The following ZYG11B variants were observed in gnomAD, a reference collection of about 807,000 sequenced individuals.
The protein encoded by ZYG11B is protein zyg-11 homolog B.
In ZYG11B, 36 loss-of-function variants were observed where a neutral mutation model predicts 82.4. The observed-to-expected ratio is 0.44, with a 90% CI of 0.33 to 0.58. The LOEUF is 0.58. Among genes scored for constraint, ZYG11B ranks in the 20% least tolerant of loss-of-function variants. The pLI is 0.02. For missense variants in ZYG11B, 552 were observed against 895.6 expected, an observed-to-expected ratio of 0.62 and a Z score of 4.90; for synonymous variants, 303 against 312.8, an observed-to-expected ratio of 0.97 and a Z score of 0.33.
chr1:52,728,848 TCC>T (rs1644305531), intron 1 of ZYG11B, among the ~76,000 whole-genome samples: 1 of 143,200 alleles, frequency 7.0e-6, no homozygotes, highest in East Asian at 2.4e-4. Flanking sequence ...GTAGAAAGGA[TCC>T]CCTCACAGGG....
chr1:52,783,946 A>T (rs72637996), intron 4 of ZYG11B, among the ~76,000 whole-genome samples: 3,578 of 124,322 alleles, frequency 0.029, 179 homozygotes, highest in African/African-American at 0.071. Context: ...CTATACATAT[A>T]TGTATATATA....
At chr1:52,789,098 C>T (rs977756842) in intron 5 of ZYG11B, among the ~76,000 whole-genome samples, 45 of 152,182 alleles carry the variant, frequency 3.0e-4, no homozygotes, top group African/African-American at 1.1e-3. Context: ...TTGTACCTAA[C>T]CCATTCCATA....
At chr1:52,786,553 A>G (rs1455167507) in intron 5 of ZYG11B, among the ~76,000 whole-genome samples, 2 of 152,102 alleles carry the variant, frequency 1.3e-5, no homozygotes, top group Non-Finnish European at 2.9e-5. Context: ...GTTCAAGACC[A>G]ACTTGGGCAA....
In ZYG11B at chr1:52,726,486, G is replaced by A. The variant is rs1350332719; in HGVS notation, c.-168G>A. ...CGCTCTGGTTCGGGCTGCGGCTGCG[G>A]CTGCGGCTGCGGCTGCTACTGCTAC... is the stretch of plus-strand genomic sequence containing the variant. On this transcript the variant is annotated 5_prime_UTR_variant, in exon 1 of 14. Coordinates refer to ENST00000294353, the MANE Select transcript of ZYG11B (RefSeq NM_024646.3). The A allele has an allele frequency of 1.2e-5, 7 of 578,254 alleles. No individual in the cohort carries two copies. In the East Asian group the frequency reaches 2.6e-4, roughly 21 times the overall value. 35.8% of individuals were successfully genotyped at this position (578,254 alleles called of 1,614,324 possible). A position where few individuals can be genotyped will look rare whatever the true frequency, so the allele number is the denominator to read the frequency against.
At chr1:52,776,515 T>A (rs11206015) in intron 3 of ZYG11B, among the ~76,000 whole-genome samples, 2 of 140,528 alleles carry the variant, frequency 1.4e-5, no homozygotes, top group Admixed American at 1.5e-4. Flanking sequence ...GACTGAGCAA[T>A]AGAGAAAGAC....
chr1:52,768,335 G>T (rs1260287460), intron 2 of ZYG11B, among the ~76,000 whole-genome samples: 2 of 152,072 alleles, frequency 1.3e-5, no homozygotes, highest in East Asian at 3.9e-4. Context: ...GGGTCCCAAG[G>T]TCCCCCCTAG....
chr1:52,815,716 C>G (rs994638885), intron 12 of ZYG11B, among the ~76,000 whole-genome samples: 4 of 152,060 alleles, frequency 2.6e-5, no homozygotes, highest in African/African-American at 7.2e-5. Flanking sequence ...GGGCAGATCA[C>G]GAGGTCAGGA....
chr1:52,769,841 T>G (rs548585562), intron 2 of ZYG11B, among the ~76,000 whole-genome samples: 34 of 152,282 alleles, frequency 2.2e-4, no homozygotes, highest in Admixed American at 7.2e-4. Flanking sequence ...CAACTGCTCA[T>G]TCACCCCATA....
intron 8 of ZYG11B, among the ~76,000 whole-genome samples, chr1:52,800,404 G>A (rs908383256): frequency 5.3e-5 from 8 of 152,068 alleles, no homozygotes; most frequent in African/African-American, 1.9e-4. Flanking sequence ...AGGGGTGACA[G>A]TTTTAAAAAA....
At chr1:52,734,245 G>A (rs1285047447) in intron 1 of ZYG11B, among the ~76,000 whole-genome samples, 1 of 151,956 alleles carries the variant, frequency 6.6e-6, no homozygotes, top group Non-Finnish European at 1.5e-5. Flanking sequence ...TGATCCTACT[G>A]CCTCAGCCCA....
chr1:52,790,140 C>A, intron 6 of ZYG11B, 73 bp downstream of exon 6: 3 of 1,023,382 alleles, frequency 2.9e-6, no homozygotes, highest in African/African-American at 1.6e-5. Flanking sequence ...CATTTCTTAC[C>A]ATTTAGGATA....
rs769028791 is a variant in ZYG11B, at chr1:52,772,471, C to T, written c.951+697C>T. On this transcript the variant is annotated intron_variant, in intron 3 of 13. Transcript: ENST00000294353. The stretch of plus-strand genomic sequence containing the variant: ...CCTGTCACAAAACGTACTTGTGCAA[C>T]ACCATGTGATTCTCTCACGATTACA... 1.2e-4 allele frequency: 185 copies of T among 1,586,094 alleles called. 1 individual carries two copies. The Admixed American group carries it at 1.9e-3, about 16-fold the overall frequency.
chr1:52,786,358 A>G (rs1000367996), intron 5 of ZYG11B, among the ~76,000 whole-genome samples: 7 of 152,196 alleles, frequency 4.6e-5, no homozygotes, highest in Admixed American at 4.6e-4. Flanking sequence ...CAACTCTGTG[A>G]CTCTACTAAA....
intron 3 of ZYG11B, among the ~76,000 whole-genome samples, chr1:52,779,036 C>G (rs967253141): frequency 3.9e-5 from 6 of 152,050 alleles, no homozygotes; most frequent in African/African-American, 1.4e-4. Context: ...AAATCAGTGG[C>G]TCAACAAAGA....
chr1:52,782,841 G>A (rs1459749402), intron 4 of ZYG11B, among the ~76,000 whole-genome samples: 3 of 151,764 alleles, frequency 2.0e-5, no homozygotes, highest in South Asian at 2.1e-4. Flanking sequence ...GGCTAGTCTC[G>A]AATTCCTGAC....
At chr1:52,768,872 G>T (rs527409395) in intron 2 of ZYG11B, among the ~76,000 whole-genome samples, 3 of 152,246 alleles carry the variant, frequency 2.0e-5, no homozygotes, top group East Asian at 1.9e-4. Flanking sequence ...GGCATTATAG[G>T]CATGAGCCAC....
intron 2 of ZYG11B, among the ~76,000 whole-genome samples, chr1:52,767,020 T>A (rs1437000028): frequency 2.1e-5 from 3 of 141,550 alleles, no homozygotes; most frequent in Admixed American, 7.2e-5. Flanking sequence ...AAAAAAAAAA[T>A]TATTTTATTT....
rs1025296386 is a variant in ZYG11B at position 52,726,512 on chromosome 1, G to C, written c.-142G>C. 2 of 727,810 alleles carry C rather than the reference G, an allele frequency of 2.7e-6. No homozygotes were observed. The highest frequency in any genetic ancestry group is 3.8e-6 in the Non-Finnish European group (2 of 525,570). The allele number at this position is 727,810 out of a possible 1,614,324, so 45.1% of individuals were successfully genotyped here. On this transcript the variant is annotated 5_prime_UTR_variant, in exon 1 of 14. Transcript: ENST00000294353. ...CTGCGGCTGCGGCTGCTACTGCTAC[G>C]CTCCTAGCTTGAGGGAAAGAGGCCG...
intron 6 of ZYG11B, among the ~76,000 whole-genome samples, chr1:52,790,784 T>G (rs1644952044): frequency 6.8e-6 from 1 of 147,868 alleles, no homozygotes; most frequent in South Asian, 2.1e-4. Flanking sequence ...TTTTTTTTTT[T>G]TTTTTTTTGT....
Sources: gnomAD v4.1 joint callset for allele counts (sites outside exome capture counted in the v4.1 genomes callset) on GRCh38, gnomAD v4.1.1 for gene constraint, MANE v1.5 for transcripts, NCBI Gene and HGNC (gene_info 2026-07-23, HGNC 2026-07-21) for gene names.